Variants in HSPG2 observed in about 807,000 individuals in gnomAD.
HSPG2 encodes the protein heparan sulfate proteoglycan 2.
A neutral mutation model predicts 526.6 loss-of-function variants in HSPG2; 278 were observed. The ratio of observed to expected loss-of-function variants is 0.53; its 90% CI spans 0.48 to 0.58. HSPG2 has a LOEUF of 0.58. Ranked by LOEUF, HSPG2 falls within the 20% of genes least tolerant of loss-of-function variation. HSPG2 has a pLI of 0.00. For synonymous variants in HSPG2, 2,465 were observed against 2,555.4 expected (o/e 0.96, Z 1.07); for missense variants, 5,354 against 6,099.5 (o/e 0.88, Z 4.07).
At chr1:21,923,068 C>T (rs933578122) in intron 1 of HSPG2, among the ~76,000 whole-genome samples, 2 of 152,094 alleles carry the variant, frequency 1.3e-5, no homozygotes, top group Non-Finnish European at 2.9e-5. Flanking sequence ...CCAGGGAACC[C>T]CAAACCTGGG....
chr1:21,895,647 T>C lies in HSPG2; in HGVS notation c.244+275A>G, dbSNP rs1025478010. On this transcript the variant is annotated intron_variant, in intron 3 of 96. Coordinates refer to ENST00000374695, the MANE Select transcript of HSPG2 (RefSeq NM_005529.7). This position sits in a 1 kb window ranked among gnomAD's most constrained non-coding sequence, Gnocchi z 4.1. ...TTGCTTTGAATGTGAAACAGCTGAC[T>C]GGCTGTCAGTCCCCAGCAGAACTGG... is the stretch of plus-strand genomic sequence containing the variant. Among the ~76,000 whole-genome samples, 72 of 152,326 alleles carry C rather than the reference T, an allele frequency of 4.7e-4. No homozygotes were observed. The highest frequency in any genetic ancestry group is 1.6e-3 in the African/African-American group (67 of 41,564).
In HSPG2 at chr1:21,860,180, C is replaced by G. The variant is rs756266356; in HGVS notation, c.5011G>C (p.Glu1671Gln). 2 of 1,613,850 alleles carry G rather than the reference C, an allele frequency of 1.2e-6. No individual in the cohort carries two copies. Among genetic ancestry groups the G allele is most frequent in the South Asian group, 1.1e-5 (1 of 91,074 alleles). Residue 1671 changes from glutamate (E) to glutamine (Q), a missense_variant, in exon 40 of 97, where the codon GAG (glutamate) becomes CAG (glutamine). Coordinates refer to ENST00000374695, the MANE Select transcript of HSPG2 (RefSeq NM_005529.7). ...CCTGGGCCATGGTCCCACTTACTCT[C>G]TGGCAGGCACTGGCCCCCTTGCACA... The part of the protein sequence containing the change: ...PSVQGGQCLP[E>Q]TNQAPLVVEV...
intron 1 of HSPG2, among the ~76,000 whole-genome samples, chr1:21,925,170 T>G (rs1362355296): frequency 6.6e-6 from 1 of 152,168 alleles, no homozygotes; most frequent in Non-Finnish European, 1.5e-5. Flanking sequence ...TAACCCCAGA[T>G]GTACAGGGGG....
intron 1 of HSPG2, among the ~76,000 whole-genome samples, chr1:21,897,040 C>T (rs1374743840): frequency 6.6e-6 from 1 of 152,188 alleles, no homozygotes; most frequent in Non-Finnish European, 1.5e-5. Context: ...CACCTTGGGG[C>T]CTGCAAACTA....
At chr1:21,936,822 G>C (rs1644500788) in intron 1 of HSPG2, among the ~76,000 whole-genome samples, 2 of 152,244 alleles carry the variant, frequency 1.3e-5, no homozygotes, top group Middle Eastern at 3.4e-3. Flanking sequence ...CCTGCTCAAA[G>C]TTTCCCCTCC....
At chr1:21,875,469 A>G (rs1422429840) in intron 25 of HSPG2, among the ~76,000 whole-genome samples, 160 bp downstream of exon 25, 1 of 152,118 alleles carries the variant, frequency 6.6e-6, no homozygotes, top group Non-Finnish European at 1.5e-5. Flanking sequence ...GCCCCAGACC[A>G]GCCTGTATGG....
Position 21,842,790 on chromosome 1 carries a change from TGCCC to T in HSPG2, c.8886_8889del (p.Gly2963AlafsTer141). On this transcript the variant is annotated frameshift_variant, in exon 67 of 97. Transcript: ENST00000374695. LOFTEE classifies it high-confidence loss of function. ...TGTACCTGGTGCCGGGCGGGGAGGC[TGCCC>T]CCGCGCTTGTACCACGTGACCTGGG... 1 of 1,613,458 alleles carries T rather than the reference TGCCC, an allele frequency of 6.2e-7. No homozygotes were observed. The highest frequency in any genetic ancestry group is 8.5e-7 in the Non-Finnish European group (1 of 1,180,032).
chr1:21,921,106 C>T (rs1203448431), intron 1 of HSPG2, among the ~76,000 whole-genome samples: 1 of 152,218 alleles, frequency 6.6e-6, no homozygotes, highest in Non-Finnish European at 1.5e-5. Flanking sequence ...ATACCTCCCT[C>T]CCAGTGGCTC....
chr1:21,892,519 C>T (rs2454289), intron 3 of HSPG2, among the ~76,000 whole-genome samples: 80,810 of 152,146 alleles, frequency 0.53, 23,634 homozygotes, highest in Middle Eastern at 0.72. Context: ...CACCTCCCAT[C>T]TCCCACCCTG....
Position 21,884,515 on chromosome 1 carries a change from C to T in HSPG2, c.1654+13G>A. On this transcript the variant is annotated intron_variant, in intron 13 of 96. Coordinates refer to ENST00000374695, the MANE Select transcript of HSPG2 (RefSeq NM_005529.7). ...TCCCACCTCCCGCAGCGCTCACCCGCCCGCCAACGCACCCTTGAAGTCATC... is the reference window on the plus strand; with the variant it reads ...TCCCACCTCCCGCAGCGCTCACCCGTCCGCCAACGCACCCTTGAAGTCATC... The T allele has an allele frequency of 6.2e-7, 1 of 1,611,030 alleles. No homozygotes were observed.
chr1:21,847,698 G>C lies in HSPG2; in HGVS notation c.8016C>G (p.Ser2672=). The C allele has an allele frequency of 6.2e-7, 1 of 1,608,648 alleles. No homozygotes were observed. Among genetic ancestry groups the C allele is most frequent in the African/African-American group, 1.3e-5 (1 of 74,842 alleles). ...TGGCTCCACTCTGTACCTGGTGTCG[G>C]GAGGGAAGGCTGCCCCCACGCTTGT... ...TWYKRGGSLP[S]RHQTHGSHLR... is the part of the protein sequence containing the mutation. Residue 2672 remains serine, a synonymous_variant, in exon 61 of 97, where the codon TCC becomes TCG. Transcript: ENST00000374695. The surrounding 1 kb of genome is among the most constrained non-coding windows in gnomAD (Gnocchi z 4.1).
Position 21,885,561 on chromosome 1 carries a change from T to C in HSPG2, c.1079-110A>G. The C allele has an allele frequency of 5.5e-6, 7 of 1,277,498 alleles. No homozygotes were observed. In the South Asian group the frequency reaches 7.5e-5, roughly 14 times the overall value. The allele number at this position is 1,277,498 out of a possible 1,614,324, so 79.1% of individuals were successfully genotyped here. On this transcript the variant is annotated intron_variant, in intron 9 of 96. Transcript: ENST00000374695. ...ACATAACCCACAGCGGCCCTCGCCATGCCTAGCCCCTGCTGCACAACACTG... is the reference window on the plus strand; with the variant it reads ...ACATAACCCACAGCGGCCCTCGCCACGCCTAGCCCCTGCTGCACAACACTG...
At chr1:21,919,882 A>G (rs563317684) in intron 1 of HSPG2, among the ~76,000 whole-genome samples, 49 of 152,256 alleles carry the variant, frequency 3.2e-4, no homozygotes, top group African/African-American at 1.1e-3. Context: ...GATTTGATCT[A>G]TAAGAAATTC....
rs150034434 is a variant in HSPG2 at position 21,936,066 on chromosome 1, G to A, written c.63+1089C>T. Among the ~76,000 whole-genome samples the A allele has an allele frequency of 3.9e-3, 597 of 152,198 alleles. 3 individuals carry two copies. Among genetic ancestry groups the A allele is most frequent in the African/African-American group, 0.013 (520 of 41,510 alleles). On this transcript the variant is annotated intron_variant, in intron 1 of 96. Transcript: ENST00000374695. ...GCCTGGTTAGAAAAGTCCCTCTCTT[G>A]GCTCAGAGAACAGGGAGGCAGGTAT...
intron 30 of HSPG2, 113 bp downstream of exon 30, chr1:21,873,262 T>C (rs1188106213): frequency 3.6e-5 from 48 of 1,317,894 alleles, no homozygotes; most frequent in Non-Finnish European, 1.5e-5. Context: ...ATTTTACAGA[T>C]GAAGAAACAG....
chr1:21,842,106 C>A lies in HSPG2; in HGVS notation c.9089G>T (p.Ser3030Ile). 6.2e-7 allele frequency: 1 copy of A among 1,613,692 alleles called. No individual in the cohort carries two copies. Among genetic ancestry groups the A allele is most frequent in the Non-Finnish European group, 8.5e-7 (1 of 1,180,010 alleles). The change falls in exon 69 of 97, where the codon AGC (serine) becomes ATC (isoleucine). Residue 3030 changes from serine (S) to isoleucine (I), a missense_variant. Ser to Ile is a moderately radical substitution (Grantham distance 142). Coordinates refer to ENST00000374695, the MANE Select transcript of HSPG2 (RefSeq NM_005529.7). ...ATCCTGGCCCTGCTGCACGGTGCTG[C>A]TGGGCGGGTCGATGGAGATGACCGG... ...RSPVISIDPP[S>I]STVQQGQDAS...
rs780240829 is a variant in HSPG2 at position 21,865,330 on chromosome 1, C to T, written c.4350G>A (p.Ala1450=). 1.4e-5 allele frequency: 22 copies of T among 1,613,952 alleles called. No homozygotes were observed. The highest frequency in any genetic ancestry group is 4.0e-5 in the African/African-American group (3 of 74,880). Residue 1450 remains alanine (A), a synonymous_variant, in exon 35 of 97, where the codon GCG becomes GCA. Transcript: ENST00000374695. The surrounding 1 kb of genome is among the most constrained non-coding windows in gnomAD (Gnocchi z 5.4). ...NNIMLVASQP[A]LQGPERRSYE... ...AGCTCCTCCTCTCAGGGCCCTGCAG[C>T]GCTGGCTGGGAGGCCACTAGCATGA...
At position 21,864,079 on chromosome 1, in the gene HSPG2, C is replaced by T. The variant is rs1442444093; in HGVS notation, c.4740+21G>A. On this transcript the variant is annotated intron_variant, in intron 37 of 96. Transcript: ENST00000374695. The surrounding 1 kb of genome is among the most constrained non-coding windows in gnomAD (Gnocchi z 4.8). The stretch of plus-strand genomic sequence containing the variant: ...GGCCCAGCTGAGCTGACCCCCTGTC[C>T]TGGCCTCGCTTGCAGCTCACCGAGC... The T allele has an allele frequency of 6.5e-7, 1 of 1,538,684 alleles. No individual in the cohort carries two copies. The highest frequency in any genetic ancestry group is 8.8e-7 in the Non-Finnish European group (1 of 1,136,620).
intron 33 of HSPG2, among the ~76,000 whole-genome samples, chr1:21,870,636 C>A (rs780913508): frequency 6.6e-6 from 1 of 152,208 alleles, no homozygotes; most frequent in Admixed American, 6.5e-5. Context: ...GGCACCAGGA[C>A]CAGACCACAC....
Sources: allele counts gnomAD v4.1 joint callset (sites outside exome capture counted in the v4.1 genomes callset), GRCh38; gene constraint gnomAD v4.1.1; non-coding constraint Gnocchi (gnomAD v3.1); transcripts MANE v1.5; gene names NCBI Gene and HGNC (gene_info 2026-07-23, HGNC 2026-07-21).